The following GTPBP1 variants were observed in gnomAD, a reference collection of about 807,000 sequenced individuals.
The protein encoded by GTPBP1 is GTP-binding protein 1.
In GTPBP1, 23 loss-of-function variants were observed where a neutral mutation model predicts 62.0. The observed-to-expected ratio is 0.37, with a 90% CI of 0.27 to 0.53. The LOEUF (loss-of-function observed/expected upper bound fraction) is 0.53. Among genes scored for constraint, GTPBP1 ranks in the 20% least tolerant of loss-of-function variants. GTPBP1 has a pLI of 0.89. For missense variants in GTPBP1, 640 were observed against 917.3 expected (o/e 0.70, Z 3.90); for synonymous variants, 344 against 364.4 (o/e 0.94, Z 0.64).
downstream of GTPBP1, chr22:38,738,230 G>A (rs748570549): frequency 6.2e-7 from 1 of 1,613,976 alleles, no homozygotes; most frequent in Non-Finnish European, 8.5e-7. The surrounding 1 kb of genome is among the most constrained non-coding windows in gnomAD (Gnocchi z 6.6). Flanking sequence ...ACTTGCCAAG[G>A]AGTGTCCCCT....
Position 38,730,925 on chromosome 22 carries a change from C to T in GTPBP1, c.*221C>T. On this transcript the variant is annotated 3_prime_UTR_variant, in exon 12 of 12. Coordinates refer to ENST00000216044, the MANE Select transcript of GTPBP1 (RefSeq NM_004286.5). The surrounding 1 kb of genome is among the most constrained non-coding windows in gnomAD (Gnocchi z 5.6). ...GACTGACCATCTCTCACTGTCCTCC[C>T]CACCTTCTTCCTCACTCACACATTT... is the stretch of plus-strand genomic sequence containing the variant. 1 of 537,366 alleles carries T rather than the reference C, an allele frequency of 1.9e-6. No individual in the cohort carries two copies. The highest frequency in any genetic ancestry group is 3.3e-6 in the Non-Finnish European group (1 of 304,950). The allele number at this position is 537,366 out of a possible 1,614,324, so 33.3% of individuals were successfully genotyped here. A position where few individuals can be genotyped will look rare whatever the true frequency, so the allele number is the denominator to read the frequency against.
rs1224477621 is a variant in GTPBP1 at position 38,732,523 on chromosome 22, G to C, written c.*1819G>C. ...GATTCAGAGAATGTGAGGCCCTGGG[G>C]TGTCCTACACAAGGGAAAGGCTTGC... On this transcript the variant is annotated 3_prime_UTR_variant, in exon 12 of 12. Coordinates refer to ENST00000216044, the MANE Select transcript of GTPBP1 (RefSeq NM_004286.5). 1 of 152,252 alleles carries C rather than the reference G, an allele frequency of 6.6e-6. No individual in the cohort carries two copies. Among genetic ancestry groups the C allele is most frequent in the Non-Finnish European group, 1.5e-5 (1 of 68,062 alleles). 9.4% of individuals were successfully genotyped at this position (152,252 alleles called of 1,614,324 possible).
chr22:38,713,204 G>C (rs1569276491), intron 2 of GTPBP1, among the ~76,000 whole-genome samples: 1 of 152,112 alleles, frequency 6.6e-6, no homozygotes, highest in Non-Finnish European at 1.5e-5. Flanking sequence ...CACAAGGAAG[G>C]GGAGTGCTGT....
downstream of GTPBP1, chr22:38,742,208 C>G: frequency 6.8e-7 from 1 of 1,464,478 alleles, no homozygotes; most frequent in South Asian, 1.4e-5. Context: ...GCTGTCTGAT[C>G]CCAAATGACA....
At chr22:38,708,781 A>G in intron 1 of GTPBP1, 64 bp from the exon 2 acceptor site, 1 of 908,670 alleles carries the variant, frequency 1.1e-6, no homozygotes, top group African/African-American at 1.6e-5. Flanking sequence ...GGCTATATTG[A>G]TCAGCTTTGG....
chr22:38,736,305 T>G, downstream of GTPBP1: 7 of 1,614,014 alleles, frequency 4.3e-6, no homozygotes, highest in Non-Finnish European at 5.9e-6. Flanking sequence ...AAGCGGTAGA[T>G]GCAGGTGTAC....
At chr22:38,724,537 C>T (rs2145874570) in intron 6 of GTPBP1, 126 bp downstream of exon 6, 2 of 622,296 alleles carry the variant, frequency 3.2e-6, no homozygotes, top group Non-Finnish European at 5.9e-6. Flanking sequence ...CAACACCTCT[C>T]CCTATTCAGA....
chr22:38,713,285 T>G (rs1456553572), intron 2 of GTPBP1, among the ~76,000 whole-genome samples: 1 of 151,982 alleles, frequency 6.6e-6, no homozygotes, highest in Non-Finnish European at 1.5e-5. Context: ...ACGGCACAAA[T>G]GGGGAGGCTG....
chr22:38,726,466 C>A lies in GTPBP1; in HGVS notation c.1401+26C>A. 6.3e-7 allele frequency: 1 copy of A among 1,591,756 alleles called. No individual in the cohort carries two copies. The highest frequency in any genetic ancestry group is 8.6e-7 in the Non-Finnish European group (1 of 1,162,212). On this transcript the variant is annotated intron_variant, in intron 8 of 11. Coordinates refer to ENST00000216044, the MANE Select transcript of GTPBP1 (RefSeq NM_004286.5). The surrounding 1 kb of genome is among the most constrained non-coding windows in gnomAD (Gnocchi z 4.1). ...GTGAGTAGCGATGATACTGAACGCT[C>A]CCCTCAGACTCCATCATGCTAGGCT...
chr22:38,723,195 A>T (rs1453725357), intron 5 of GTPBP1: 5 of 980,188 alleles, frequency 5.1e-6, no homozygotes, highest in Non-Finnish European at 8.2e-6. Context: ...CGAAGGTGAA[A>T]TCCAAAGGAT....
At chr22:38,723,116 A>G in intron 5 of GTPBP1, 1 of 777,668 alleles carries the variant, frequency 1.3e-6, no homozygotes, top group Non-Finnish European at 2.3e-6. Flanking sequence ...CACTGAGACC[A>G]CAACTTCACA....
intron 5 of GTPBP1, chr22:38,722,678 T>C: frequency 6.4e-7 from 1 of 1,570,292 alleles, no homozygotes; most frequent in Non-Finnish European, 8.7e-7. Context: ...TATAAAATGA[T>C]AAAAGCAGGC....
downstream of GTPBP1, chr22:38,734,682 G>T (rs1258945161): frequency 5.1e-6 from 1 of 196,978 alleles, no homozygotes; most frequent in African/African-American, 2.4e-5. Flanking sequence ...CTGCCCAAGA[G>T]CAGCTGCCCT....
At chr22:38,714,478 C>CAAAA (rs34257833) in intron 2 of GTPBP1, among the ~76,000 whole-genome samples, 7 of 46,326 alleles carry the variant, frequency 1.5e-4, no homozygotes, top group Non-Finnish European at 1.9e-4. Flanking sequence ...GACTCCATCT[C>CAAAA]AAAAAAAAAA....
downstream of GTPBP1, chr22:38,742,159 AAG>A (rs1391373149): frequency 8.8e-5 from 99 of 1,131,292 alleles, no homozygotes; most frequent in East Asian, 2.2e-3. Context: ...AAAAAAAAAA[AAG>A]AAAAAAAGAG....
intron 2 of GTPBP1, among the ~76,000 whole-genome samples, chr22:38,714,798 A>T (rs960030748): frequency 6.6e-6 from 1 of 152,126 alleles, no homozygotes; most frequent in Non-Finnish European, 1.5e-5. Flanking sequence ...CCAGGGAAGG[A>T]GCAGGGGTGC....
chr22:38,737,850 G>A (rs1159199668), downstream of GTPBP1: 11 of 545,578 alleles, frequency 2.0e-5, no homozygotes, highest in East Asian at 5.3e-4. The surrounding 1 kb of genome is among the most constrained non-coding windows in gnomAD (Gnocchi z 4.1). Context: ...CCGCGCCCTG[G>A]CATGTGCTGG....
At chr22:38,707,946 CA>C (rs962098378) in intron 1 of GTPBP1, among the ~76,000 whole-genome samples, 1 of 152,142 alleles carries the variant, frequency 6.6e-6, no homozygotes, top group African/African-American at 2.4e-5. Flanking sequence ...CGAGAGCTTC[CA>C]AAGGGAGAAA....
At chr22:38,733,988 G>T (rs997967745), downstream of GTPBP1, among the ~76,000 whole-genome samples, 3 of 152,224 alleles carry the variant, frequency 2.0e-5, no homozygotes, top group Non-Finnish European at 4.4e-5. Flanking sequence ...AGGCAGAGCA[G>T]GTGTCAGTGA....
Sources: allele counts gnomAD v4.1 joint callset (sites outside exome capture counted in the v4.1 genomes callset), GRCh38; gene constraint gnomAD v4.1.1; non-coding constraint Gnocchi (gnomAD v3.1); transcripts MANE v1.5; gene names NCBI Gene and HGNC (gene_info 2026-07-23, HGNC 2026-07-21).